Variants in MOB3A observed in about 807,000 individuals in gnomAD.
The protein encoded by MOB3A is MOB LAK.
Under a neutral mutation model 17.8 loss-of-function variants are expected in MOB3A, and 17 were observed. That is an observed-to-expected ratio of 0.95 (90% CI 0.65 to 1.43). The LOEUF is 1.43. Ranked by LOEUF, MOB3A falls within the 40% of genes most tolerant of loss-of-function variation. The probability of loss-of-function intolerance (pLI) is 0.00; values close to 1 mark genes in which losing one functional copy is unlikely to be tolerated. For missense variants in MOB3A, 333 were observed against 310.8 expected, an observed-to-expected ratio of 1.07 and a Z score of -0.54; for synonymous variants, 124 against 133.2, an observed-to-expected ratio of 0.93 and a Z score of 0.48.
At chr19:2,088,367 A>G (rs2017576782) in intron 1 of MOB3A, among the ~76,000 whole-genome samples, 1 of 152,130 alleles carries the variant, frequency 6.6e-6, no homozygotes, top group South Asian at 2.1e-4. Flanking sequence ...GCAGTGGCAC[A>G]ATCACAGCCC....
At chr19:2,087,617 T>C (rs527577843) in intron 1 of MOB3A, among the ~76,000 whole-genome samples, 3 of 152,356 alleles carry the variant, frequency 2.0e-5, no homozygotes, top group African/African-American at 7.2e-5. Context: ...ATTGTGCCAC[T>C]GCACTGCAGC....
In MOB3A at chr19:2,073,176, C is replaced by T. The variant is rs749329827; in HGVS notation, c.*219G>A. ...GTAACACATAGAATTACAGAGTTCACGTTTTAGTCCCAGACGGGAGACTGA... is the reference window on the plus strand; with the variant it reads ...GTAACACATAGAATTACAGAGTTCATGTTTTAGTCCCAGACGGGAGACTGA... On this transcript the variant is annotated 3_prime_UTR_variant, in exon 5 of 5. Coordinates refer to ENST00000357066, the MANE Select transcript of MOB3A (RefSeq NM_130807.3). 36 of 625,262 alleles carry T rather than the reference C, an allele frequency of 5.8e-5. No individual in the cohort carries two copies. The highest frequency in any genetic ancestry group is 9.1e-5 in the Non-Finnish European group (32 of 350,656). The allele number at this position is 625,262 out of a possible 1,614,324, so 38.7% of individuals were successfully genotyped here.
At position 2,076,807 on chromosome 19, in the gene MOB3A, G is replaced by T. The variant is rs761342670; in HGVS notation, c.624+4C>A. ...CGCACGCCCTCAGCCCCAAGCCCGC[G>T]CACCAGTGGCTCCAGCTCCTTGGTG... On this transcript the variant is annotated splice_donor_region_variant and intron_variant, in intron 4 of 4. Transcript: ENST00000357066. 8 of 1,613,230 alleles carry T rather than the reference G, an allele frequency of 5.0e-6. No homozygotes were observed. In the East Asian group the frequency reaches 1.1e-4, roughly 22 times the overall value.
chr19:2,086,162 T>C (rs1343190192), intron 1 of MOB3A, among the ~76,000 whole-genome samples: 1 of 147,926 alleles, frequency 6.8e-6, no homozygotes, highest in African/African-American at 2.5e-5. Flanking sequence ...TGCCTCAGCC[T>C]CCCAAGTAAC....
Position 2,082,621 on chromosome 19 carries a change from T to C in MOB3A, c.-120+2554A>G, listed in dbSNP as rs1176061319. On this transcript the variant is annotated intron_variant, in intron 2 of 4. Coordinates refer to ENST00000357066, the MANE Select transcript of MOB3A (RefSeq NM_130807.3). The surrounding 1 kb of genome is among the most constrained non-coding windows in gnomAD (Gnocchi z 4.1). Reference sequence around the variant, plus strand: ...CACAACTCCCTAAATTCAGCAACTCTCAGGGATGCAGGCAGCCGTCTGATC... The same window carrying C: ...CACAACTCCCTAAATTCAGCAACTCCCAGGGATGCAGGCAGCCGTCTGATC... Among the ~76,000 whole-genome samples, 3 of 152,044 alleles carry C rather than the reference T, an allele frequency of 2.0e-5. No homozygotes were observed. The highest frequency in any genetic ancestry group is 4.4e-5 in the Non-Finnish European group (3 of 68,024).
rs569786141 is a variant in MOB3A, at chr19:2,075,457, G to GA, written c.624+1353dup. On this transcript the variant is annotated intron_variant, in intron 4 of 4. Transcript: ENST00000357066. ...CAGACCAGCCTGGGCATCATAGTGA[G>GA]ACCCCATCTCTACACACAATAAAAA... Among the ~76,000 whole-genome samples, 396 of 151,954 alleles carry GA rather than the reference G, an allele frequency of 2.6e-3. 4 individuals carry two copies. Among genetic ancestry groups the GA allele is most frequent in the African/African-American group, 9.3e-3 (387 of 41,460 alleles).
chr19:2,079,591 G>A lies in MOB3A; in HGVS notation c.-119-912C>T, dbSNP rs764458737. The stretch of plus-strand genomic sequence containing the variant: ...GAGAGAAGCCTGGCAGATGCCCCTC[G>A]GCCTCAGAGGGACCCAGCCCCGCCC... On this transcript the variant is annotated intron_variant, in intron 2 of 4. Coordinates refer to ENST00000357066, the MANE Select transcript of MOB3A (RefSeq NM_130807.3). 5.9e-5 allele frequency among the ~76,000 whole-genome samples: 9 copies of A among 152,288 alleles called. No individual in the cohort carries two copies. The East Asian group carries it at 9.6e-4, about 16-fold the overall frequency.
intron 1 of MOB3A, among the ~76,000 whole-genome samples, chr19:2,095,553 G>A (rs2017673956): frequency 1.3e-5 from 2 of 152,174 alleles, no homozygotes; most frequent in Non-Finnish European, 2.9e-5. Context: ...GGTCCTGCGG[G>A]AGGGCAGCGG....
At chr19:2,079,472 C>A (rs186816526) in intron 2 of MOB3A, among the ~76,000 whole-genome samples, 1 of 152,188 alleles carries the variant, frequency 6.6e-6, no homozygotes, top group Non-Finnish European at 1.5e-5. Flanking sequence ...GAGGCAGATA[C>A]GGGGGAGACG....
intron 1 of MOB3A, among the ~76,000 whole-genome samples, chr19:2,085,808 C>A (rs961385587): frequency 1.3e-5 from 2 of 151,162 alleles, no homozygotes; most frequent in Non-Finnish European, 2.9e-5. Context: ...ACTAAAAATA[C>A]AAAAAAATAG....
intron 4 of MOB3A, among the ~76,000 whole-genome samples, chr19:2,075,728 C>G (rs563956943): frequency 6.6e-6 from 1 of 152,206 alleles, no homozygotes; most frequent in African/African-American, 2.4e-5. Context: ...GACCCCACAC[C>G]GAGGAATCTG....
At position 2,073,303 on chromosome 19, in the gene MOB3A, C is replaced by T. The variant is rs774576002; in HGVS notation, c.*92G>A. ...CCTGGTCTCCCTGAGATGCTCAGGCCGGAGAGAAGCGGGATGATGGTTCCA... is the reference window on the plus strand; with the variant it reads ...CCTGGTCTCCCTGAGATGCTCAGGCTGGAGAGAAGCGGGATGATGGTTCCA... On this transcript the variant is annotated 3_prime_UTR_variant, in exon 5 of 5. Coordinates refer to ENST00000357066, the MANE Select transcript of MOB3A (RefSeq NM_130807.3). 3.4e-5 allele frequency: 52 copies of T among 1,529,926 alleles called. No individual in the cohort carries two copies. The African/African-American group carries it at 4.1e-4, about 12-fold the overall frequency. 94.8% of individuals were successfully genotyped at this position (1,529,926 alleles called of 1,614,324 possible).
chr19:2,074,714 G>A (rs1350858710), intron 4 of MOB3A, among the ~76,000 whole-genome samples: 2 of 150,950 alleles, frequency 1.3e-5, no homozygotes, highest in East Asian at 1.9e-4. Flanking sequence ...CACCATGCCT[G>A]GCTAATTTTT....
At chr19:2,073,480 G>C in intron 4 of MOB3A, 56 bp from the exon 5 acceptor site, 1 of 1,609,104 alleles carries the variant, frequency 6.2e-7, no homozygotes, top group South Asian at 1.1e-5. Context: ...AAGGGGTGAT[G>C]CGAACAGCAG....
At chr19:2,087,463 G>C (rs1265393465) in intron 1 of MOB3A, among the ~76,000 whole-genome samples, 1 of 152,168 alleles carries the variant, frequency 6.6e-6, no homozygotes, top group African/African-American at 2.4e-5. Context: ...GACCAGCCTG[G>C]GCAACATAGT....
intron 2 of MOB3A, among the ~76,000 whole-genome samples, chr19:2,083,244 G>A (rs745987199): frequency 1.3e-5 from 2 of 152,188 alleles, no homozygotes; most frequent in Non-Finnish European, 2.9e-5. Flanking sequence ...CTGTGCTTAT[G>A]GTATCCCCCG....
intron 1 of MOB3A, among the ~76,000 whole-genome samples, chr19:2,087,812 A>G (rs1443947838): frequency 1.3e-5 from 2 of 152,224 alleles, no homozygotes; most frequent in Non-Finnish European, 2.9e-5. Context: ...GCCCCAAGCT[A>G]CCATCCCAAC....
rs1410620174 is a variant in MOB3A, at chr19:2,093,046, G to A, written c.-274+3180C>T. On this transcript the variant is annotated intron_variant, in intron 1 of 4. Coordinates refer to ENST00000357066, the MANE Select transcript of MOB3A (RefSeq NM_130807.3). The surrounding 1 kb of genome is among the most constrained non-coding windows in gnomAD (Gnocchi z 4.6). ...AACAGGAACAGAGCTCATCGGCTGG[G>A]GAAGGTCTAAAACTCCCCACCTTAA... Among the ~76,000 whole-genome samples, 5 of 152,118 alleles carry A rather than the reference G, an allele frequency of 3.3e-5. No homozygotes were observed. Among genetic ancestry groups the A allele is most frequent in the African/African-American group, 1.2e-4 (5 of 41,416 alleles).
chr19:2,083,648 C>T (rs935859392), intron 2 of MOB3A, among the ~76,000 whole-genome samples: 1 of 152,220 alleles, frequency 6.6e-6, no homozygotes, highest in Non-Finnish European at 1.5e-5. Context: ...CCCTCCTCCC[C>T]GTTTCCGCTT....
Sources: gnomAD v4.1 joint callset for allele counts (sites outside exome capture counted in the v4.1 genomes callset) on GRCh38, gnomAD v4.1.1 for gene constraint, Gnocchi (gnomAD v3.1) non-coding constraint, MANE v1.5 for transcripts, NCBI Gene and HGNC (gene_info 2026-07-23, HGNC 2026-07-21) for gene names.